The following AGR2 variants were observed in gnomAD, a reference collection of about 807,000 sequenced individuals.
AGR2 encodes the protein anterior gradient protein 2 homolog.
Under a neutral mutation model 25.9 loss-of-function variants are expected in AGR2, and 27 were observed. The observed-to-expected ratio is 1.04, with a 90% CI of 0.77 to 1.44. The LOEUF (loss-of-function observed/expected upper bound fraction) is 1.44. Ranked by LOEUF, AGR2 falls within the 40% of genes most tolerant of loss-of-function variation. AGR2 has a pLI of 0.00. For synonymous variants in AGR2, 78 were observed against 72.0 expected, an observed-to-expected ratio of 1.08 and a Z score of -0.42; for missense variants, 182 against 200.9, an observed-to-expected ratio of 0.91 and a Z score of 0.57.
chr7:16,794,954 G>T lies in AGR2; in HGVS notation c.460C>A (p.Pro154Thr), dbSNP rs778154523. 1 of 1,614,184 alleles carries T rather than the reference G, an allele frequency of 6.2e-7. No homozygotes were observed. The highest frequency in any genetic ancestry group is 8.5e-7 in the Non-Finnish European group (1 of 1,180,012). Residue 154 changes from proline (P) to threonine (T), a missense_variant, in exon 7 of 8, where the codon CCT becomes ACT. Physicochemically the swap from Pro to Thr is conservative, Grantham distance 38. Transcript: ENST00000419304. The part of the protein sequence containing the change: ...RYSNRLYAYE[P>T]ADTALLLDNM... ...CACTTACACAGAGCTGTATCTGCAG[G>T]TTCGTAAGCATAGAGACGATTTGAA...
At chr7:16,799,009 G>C (rs1785095080) in intron 5 of AGR2, among the ~76,000 whole-genome samples, 2 of 152,312 alleles carry the variant, frequency 1.3e-5, no homozygotes, top group Middle Eastern at 3.4e-3. Flanking sequence ...AAAGGCAGTT[G>C]TAGATGGAGT....
rs372693759 is a variant in AGR2, at chr7:16,792,996, G to A, written c.479-39C>T. 105 of 1,577,246 alleles carry A rather than the reference G, an allele frequency of 6.7e-5. 3 individuals carry two copies. The highest frequency in any genetic ancestry group is 3.1e-4 in the East Asian group (14 of 44,744). ...AAAGCAGGAGAGTCAAGACACCATC[G>A]TGCGTTATATCGATATAATAAACCC... On this transcript the variant is annotated intron_variant, in intron 7 of 7. Transcript: ENST00000419304.
chr7:16,799,461 C>A lies in AGR2; in HGVS notation c.330+283G>T. ...TAGAGAAGCCAGGACTATAGAGGGA[C>A]AGGCACAGCAAGTAACAAAAACCTT... On this transcript the variant is annotated intron_variant, in intron 5 of 7. Coordinates refer to ENST00000419304, the MANE Select transcript of AGR2 (RefSeq NM_006408.4). 3 of 353,710 alleles carry A rather than the reference C, an allele frequency of 8.5e-6. No individual in the cohort carries two copies. The South Asian group carries it at 1.3e-4, about 16-fold the overall frequency. The allele number at this position is 353,710 out of a possible 1,614,324, so 21.9% of individuals were successfully genotyped here.
intron 6 of AGR2, among the ~76,000 whole-genome samples, chr7:16,796,748 GA>G (rs1330182533): frequency 6.6e-6 from 1 of 152,160 alleles, no homozygotes; most frequent in Non-Finnish European, 1.5e-5. Flanking sequence ...TATACCTGAG[GA>G]AAGTATGACT....
chr7:16,792,871 G>T lies in AGR2; in HGVS notation c.*37C>A. On this transcript the variant is annotated 3_prime_UTR_variant, in exon 8 of 8. Coordinates refer to ENST00000419304, the MANE Select transcript of AGR2 (RefSeq NM_006408.4). ...CACTTCTTCTGGTTTCAAGTCTCAAGGCCTGACAGACAGAAGGGCTTGGAG... is the reference window on the plus strand; with the variant it reads ...CACTTCTTCTGGTTTCAAGTCTCAATGCCTGACAGACAGAAGGGCTTGGAG... 6.3e-7 allele frequency: 1 copy of T among 1,582,440 alleles called. No homozygotes were observed. Among genetic ancestry groups the T allele is most frequent in the South Asian group, 1.1e-5 (1 of 90,360 alleles).
chr7:16,802,776 A>T (rs1785170722), intron 1 of AGR2, among the ~76,000 whole-genome samples: 1 of 152,102 alleles, frequency 6.6e-6, no homozygotes, highest in South Asian at 2.1e-4. Flanking sequence ...ATAGAAATAG[A>T]TAAATAGAGA....
intron 4 of AGR2, among the ~76,000 whole-genome samples, chr7:16,800,208 A>T (rs912288361): frequency 2.6e-5 from 4 of 152,250 alleles, no homozygotes; most frequent in African/African-American, 9.6e-5. Flanking sequence ...TCAGGTAGAG[A>T]TATGTACTTT....
chr7:16,799,048 GA>G (rs542867152), intron 5 of AGR2, among the ~76,000 whole-genome samples: 1 of 152,238 alleles, frequency 6.6e-6, no homozygotes, highest in South Asian at 2.1e-4. Flanking sequence ...TATGGAAAGA[GA>G]AAAGGGTCAA....
chr7:16,802,754 A>T (rs1785170206), intron 1 of AGR2, among the ~76,000 whole-genome samples: 1 of 152,032 alleles, frequency 6.6e-6, no homozygotes, highest in Admixed American at 6.6e-5. Flanking sequence ...CTATATAGAT[A>T]TATATATCTA....
At chr7:16,795,789 AC>A (rs1785035238) in intron 6 of AGR2, among the ~76,000 whole-genome samples, 2 of 152,198 alleles carry the variant, frequency 1.3e-5, no homozygotes, top group Non-Finnish European at 2.9e-5. Flanking sequence ...TGAAAATGAG[AC>A]AAGGAAGACA....
At chr7:16,795,845 G>A (rs1275420539) in intron 6 of AGR2, among the ~76,000 whole-genome samples, 3 of 152,194 alleles carry the variant, frequency 2.0e-5, no homozygotes, top group Non-Finnish European at 4.4e-5. Context: ...GCTGGTACTG[G>A]AGTGGGCAAT....
chr7:16,801,180 T>G lies in AGR2; in HGVS notation c.227A>C (p.His76Pro), dbSNP rs1332599205. 1 of 1,613,950 alleles carries G rather than the reference T, an allele frequency of 6.2e-7. No individual in the cohort carries two copies. Among genetic ancestry groups the G allele is most frequent in the Non-Finnish European group, 8.5e-7 (1 of 1,179,898 alleles). Residue 76 changes from histidine (H) to proline (P), a missense_variant, in exon 4 of 8, where the codon CAT (histidine) becomes CCT (proline). Physicochemically the swap from His to Pro is moderately conservative, Grantham distance 77. Coordinates refer to ENST00000419304, the MANE Select transcript of AGR2 (RefSeq NM_006408.4). ...ACTGTGTGGGCACTCATCCAAGTGA[T>G]GAATAATCATCAAGGGTTTGTTGCT... ...KTSNKPLMII[H>P]HLDECPHSQA...
chr7:16,797,535 G>T, intron 6 of AGR2, 96 bp downstream of exon 6: 1 of 1,000,028 alleles, frequency 1.0e-6, no homozygotes, highest in Non-Finnish European at 1.5e-6. Flanking sequence ...GATGACATTG[G>T]CCATGGCAAC....
At chr7:16,793,284 AG>A (rs1784992266) in intron 7 of AGR2, among the ~76,000 whole-genome samples, 2 of 152,090 alleles carry the variant, frequency 1.3e-5, no homozygotes, top group African/African-American at 4.8e-5. Flanking sequence ...CCTGAGCTCA[AG>A]TGATCCACAC....
intron 1 of AGR2, among the ~76,000 whole-genome samples, chr7:16,804,249 GACACACACAGACATAGGTACACACACAC>G (rs138322084): frequency 0.17 from 25,260 of 147,416 alleles, 2,291 homozygotes; most frequent in South Asian, 0.29. Flanking sequence ...ATAATTTGGA[GACACACACAGACATAGGTACACACACAC>G]ACACACACAC....
In AGR2 at chr7:16,799,784, A is replaced by C; in HGVS notation, c.290T>G (p.Ile97Ser). 1 of 1,613,338 alleles carries C rather than the reference A, an allele frequency of 6.2e-7. No individual in the cohort carries two copies. Among genetic ancestry groups the C allele is most frequent in the Non-Finnish European group, 8.5e-7 (1 of 1,179,576 alleles). The change falls in exon 5 of 8, where the codon ATC (isoleucine) becomes AGC (serine). Residue 97 changes from isoleucine to serine, a missense_variant. By Grantham distance (142) the Ile-to-Ser change is moderately radical. Transcript: ENST00000419304. Reference sequence around the variant, plus strand: ...GACAAACTGCTCTGCCAATTTCTGGATTTCTTTATTTTCAGCAAACACTTT... The same window carrying C: ...GACAAACTGCTCTGCCAATTTCTGGCTTTCTTTATTTTCAGCAAACACTTT... Reference protein sequence around the residue: ...LKKVFAENKEIQKLAEQFVLL... With the variant: ...LKKVFAENKESQKLAEQFVLL...
intron 7 of AGR2, among the ~76,000 whole-genome samples, chr7:16,794,370 A>T (rs7807394): frequency 0.66 from 100,328 of 152,130 alleles, 33,872 homozygotes; most frequent in Middle Eastern, 0.82. Flanking sequence ...GACTAATCAG[A>T]TGTCACAGCT....
intron 5 of AGR2, among the ~76,000 whole-genome samples, chr7:16,799,004 C>A (rs1445321221): frequency 2.0e-5 from 3 of 152,082 alleles, no homozygotes; most frequent in East Asian, 1.9e-4. Context: ...TGATTAAAGG[C>A]AGTTGTAGAT....
intron 4 of AGR2, among the ~76,000 whole-genome samples, 195 bp from the exon 5 acceptor site, chr7:16,800,012 C>G (rs1399394052): frequency 6.6e-6 from 1 of 151,972 alleles, no homozygotes; most frequent in African/African-American, 2.4e-5. Context: ...TTCACTCATT[C>G]ATCCATTCAT....
Sources: gnomAD v4.1 joint callset for allele counts (sites outside exome capture counted in the v4.1 genomes callset) on GRCh38, gnomAD v4.1.1 for gene constraint, MANE v1.5 for transcripts, NCBI Gene and HGNC (gene_info 2026-07-23, HGNC 2026-07-21) for gene names.